TAF2: variants seen among roughly 807,000 people sequenced by gnomAD.
TAF2 encodes transcription initiation factor TFIID subunit 2.
A neutral mutation model predicts 138.5 loss-of-function variants in TAF2; 61 were observed. The observed-to-expected ratio is 0.44, with a 90% CI of 0.36 to 0.54. The LOEUF is 0.54. TAF2 is among the 20% of genes least tolerant of loss of function. The pLI is 0.00. For missense variants in TAF2, 1,090 were observed against 1,427.9 expected, an observed-to-expected ratio of 0.76 and a Z score of 3.81; for synonymous variants, 475 against 469.9, an observed-to-expected ratio of 1.01 and a Z score of -0.14.
intron 23 of TAF2, 140 bp from the exon 24 acceptor site, chr8:119,744,533 T>G: frequency 1.4e-6 from 1 of 725,658 alleles, no homozygotes; most frequent in Non-Finnish European, 2.4e-6. Context: ...AGTTTCTTTC[T>G]TCAAAGATAT....
intron 2 of TAF2, among the ~76,000 whole-genome samples, chr8:119,823,047 G>T (rs1825885920): frequency 6.6e-6 from 1 of 151,996 alleles, no homozygotes; most frequent in Admixed American, 6.6e-5. Context: ...AATATCCTCA[G>T]AAATATCACT....
At chr8:119,771,168 G>C (rs1196185565) in intron 18 of TAF2, among the ~76,000 whole-genome samples, 2 of 152,140 alleles carry the variant, frequency 1.3e-5, no homozygotes, top group African/African-American at 4.8e-5. Flanking sequence ...GACACCTACA[G>C]ACTCAAAGTA....
At chr8:119,799,815 T>G (rs1351187474) in intron 6 of TAF2, among the ~76,000 whole-genome samples, 4 of 152,234 alleles carry the variant, frequency 2.6e-5, no homozygotes, top group Non-Finnish European at 5.9e-5. Flanking sequence ...CAGCACCTGT[T>G]GTTTCCTGAC....
chr8:119,781,210 A>T lies in TAF2; in HGVS notation c.2113-17T>A, dbSNP rs1337496270. Reference sequence around the variant, plus strand: ...ATTTGCAATCTGCAAATAATTAGAAAACAAAGTAATTTCCATTACCAATGC... The same window carrying T: ...ATTTGCAATCTGCAAATAATTAGAATACAAAGTAATTTCCATTACCAATGC... On this transcript the variant is annotated splice_polypyrimidine_tract_variant and intron_variant, in intron 16 of 25. Transcript: ENST00000378164. The T allele has an allele frequency of 6.2e-7, 1 of 1,613,816 alleles. No homozygotes were observed. Among genetic ancestry groups the T allele is most frequent in the East Asian group, 2.2e-5 (1 of 44,836 alleles).
intron 17 of TAF2, 124 bp from the exon 18 acceptor site, chr8:119,778,253 C>T: frequency 3.3e-6 from 2 of 605,606 alleles, no homozygotes; most frequent in South Asian, 3.8e-5. Flanking sequence ...TGGAGCCTAA[C>T]ACCTCCACAC....
At chr8:119,797,259 T>C (rs997234279) in intron 7 of TAF2, among the ~76,000 whole-genome samples, 156 bp from the exon 8 acceptor site, 8 of 152,152 alleles carry the variant, frequency 5.3e-5, no homozygotes, top group Non-Finnish European at 7.4e-5. Flanking sequence ...AAATTCATCA[T>C]CTTAGTAACT....
In TAF2 at chr8:119,791,321, T is replaced by G; in HGVS notation, c.1413+3A>C. On this transcript the variant is annotated splice_donor_region_variant and intron_variant, in intron 11 of 25. Coordinates refer to ENST00000378164, the MANE Select transcript of TAF2 (RefSeq NM_003184.4). Reference sequence around the variant, plus strand: ...TTGTTAAGTTCTTAACTTTAATACTTACTTGTAGCATAAATTCCATACTGA... The same window carrying G: ...TTGTTAAGTTCTTAACTTTAATACTGACTTGTAGCATAAATTCCATACTGA... The G allele has an allele frequency of 6.2e-7, 1 of 1,613,234 alleles. No homozygotes were observed. The highest frequency in any genetic ancestry group is 8.5e-7 in the Non-Finnish European group (1 of 1,179,594).
rs1390983127 is a variant in TAF2 at position 119,783,520 on chromosome 8, T to A, written c.1973A>T (p.Asp658Val). ...MWQYQLRYER[D>V]VVAQQESILA... ...AATGGATTCCTGCTGTGCAACAACA[T>A]CTCTCTCATAGCGGAGCTGATACTG... Residue 658 changes from aspartate to valine, a missense_variant, in exon 16 of 26, where the codon GAT becomes GTT. Around this residue, in one of 3 missense-constraint regions of TAF2, gnomAD observed 580 missense variants for 719.6 expected, o/e 0.81. Coordinates refer to ENST00000378164, the MANE Select transcript of TAF2 (RefSeq NM_003184.4). The A allele has an allele frequency of 6.2e-7, 1 of 1,614,082 alleles. No homozygotes were observed. Among genetic ancestry groups the A allele is most frequent in the South Asian group, 1.1e-5 (1 of 91,068 alleles).
intron 6 of TAF2, among the ~76,000 whole-genome samples, chr8:119,798,141 A>C (rs995016213): frequency 6.6e-6 from 1 of 152,172 alleles, no homozygotes; most frequent in Non-Finnish European, 1.5e-5. Context: ...ATAGGTACAC[A>C]TAATAAGACT....
intron 3 of TAF2, among the ~76,000 whole-genome samples, chr8:119,807,676 G>A (rs539750668): frequency 9.8e-5 from 15 of 152,324 alleles, no homozygotes; most frequent in Non-Finnish European, 2.1e-4. Context: ...TGTAATCCCA[G>A]CACTTTGGGA....
At chr8:119,819,731 C>T (rs534877344) in intron 2 of TAF2, among the ~76,000 whole-genome samples, 110 of 152,112 alleles carry the variant, frequency 7.2e-4, no homozygotes, top group African/African-American at 2.6e-3. Context: ...TTCATATTCA[C>T]TATCAGTGAA....
intron 3 of TAF2, among the ~76,000 whole-genome samples, chr8:119,814,737 CAAAAAAAAAAAA>C (rs397795248): frequency 1.2e-5 from 1 of 86,488 alleles, no homozygotes; most frequent in Non-Finnish European, 2.1e-5. Context: ...ACCAAAAATA[CAAAAAAAAAAAA>C]AAAAAAAAAA....
intron 22 of TAF2, among the ~76,000 whole-genome samples, chr8:119,752,431 A>C (rs1820413815): frequency 6.6e-6 from 1 of 152,080 alleles, no homozygotes; most frequent in African/African-American, 2.4e-5. Flanking sequence ...CTGAGATCTC[A>C]AAAAGTTTGT....
intron 25 of TAF2, among the ~76,000 whole-genome samples, chr8:119,739,773 C>T (rs1819474738): frequency 6.7e-6 from 1 of 150,008 alleles, no homozygotes; most frequent in Non-Finnish European, 1.5e-5. Context: ...CTGGGTGCGG[C>T]ATAAGAGATC....
chr8:119,779,263 C>CAA (rs1325212114), intron 17 of TAF2, among the ~76,000 whole-genome samples: 1 of 151,510 alleles, frequency 6.6e-6, no homozygotes, highest in Non-Finnish European at 1.5e-5. Flanking sequence ...CACACACACA[C>CAA]ACACACACAC....
At chr8:119,762,763 T>C (rs1563842755) in intron 18 of TAF2, 155 bp from the exon 19 acceptor site, 2 of 616,386 alleles carry the variant, frequency 3.2e-6, no homozygotes, top group Admixed American at 3.0e-5. Context: ...ACCCTTTGCA[T>C]GTGGTCACTC....
intron 25 of TAF2, among the ~76,000 whole-genome samples, chr8:119,739,129 T>A (rs1241887398): frequency 1.3e-5 from 2 of 152,030 alleles, no homozygotes; most frequent in African/African-American, 4.8e-5. Flanking sequence ...ACTCTCCGCT[T>A]CTTTCCCACA....
chr8:119,738,119 T>C (rs1819354305), intron 25 of TAF2, among the ~76,000 whole-genome samples: 1 of 151,790 alleles, frequency 6.6e-6, no homozygotes, highest in Admixed American at 6.6e-5. Context: ...TAGTATGTTT[T>C]ATTTATTCTC....
intron 16 of TAF2, among the ~76,000 whole-genome samples, chr8:119,781,968 G>A (rs148973840): frequency 0.022 from 3,405 of 152,182 alleles, 49 homozygotes; most frequent in Non-Finnish European, 0.034. Flanking sequence ...GATTACAGGC[G>A]TGAGCCACTG....
Sources: gnomAD v4.1 joint callset for allele counts (sites outside exome capture counted in the v4.1 genomes callset) on GRCh38, gnomAD v4.1.1 for gene constraint, gnomAD v4.1.1 regional missense constraint, MANE v1.5 for transcripts, NCBI Gene and HGNC (gene_info 2026-07-23, HGNC 2026-07-21) for gene names.